Variants in SLAMF1 observed in about 807,000 individuals in gnomAD.
The protein encoded by SLAMF1 is signaling lymphocytic activation molecule.
In SLAMF1, 18 loss-of-function variants were observed where a neutral mutation model predicts 35.1. The observed-to-expected ratio is 0.51, with a 90% CI of 0.35 to 0.76. The LOEUF is 0.76. Ranked by LOEUF, SLAMF1 falls within the 30% of genes least tolerant of loss-of-function variation. The probability of loss-of-function intolerance (pLI) is 0.01; values close to 1 mark genes in which losing one functional copy is unlikely to be tolerated. For synonymous variants in SLAMF1, 168 were observed against 157.2 expected (o/e 1.07, Z -0.51); for missense variants, 392 against 413.0 (o/e 0.95, Z 0.44).
At chr1:160,635,723 C>A (rs1055055944) in intron 2 of SLAMF1, among the ~76,000 whole-genome samples, 1 of 148,940 alleles carries the variant, frequency 6.7e-6, no homozygotes, top group Non-Finnish European at 1.5e-5. Context: ...AGGTGCCCAC[C>A]ACCATGCTGA....
At chr1:160,626,223 C>CA (rs1421055826) in intron 3 of SLAMF1, among the ~76,000 whole-genome samples, 1 of 152,146 alleles carries the variant, frequency 6.6e-6, no homozygotes, top group Non-Finnish European at 1.5e-5. Context: ...AAATAAAAGA[C>CA]AAAACTGCAC....
intron 1 of SLAMF1, among the ~76,000 whole-genome samples, chr1:160,643,711 G>A (rs1660880028): frequency 6.6e-6 from 1 of 152,128 alleles, no homozygotes; most frequent in South Asian, 2.1e-4. Context: ...GATCAAATCG[G>A]GTTAATTGGG....
At chr1:160,625,847 G>GTGTGTGTGTGTGTGTTTGTGTA (rs1553240257) in intron 3 of SLAMF1, among the ~76,000 whole-genome samples, 3 of 148,244 alleles carry the variant, frequency 2.0e-5, no homozygotes, top group Non-Finnish European at 4.5e-5. Flanking sequence ...GTGTGTGTGT[G>GTGTGTGTGTGTGTGTTTGTGTA]TGTGTGTATG....
In SLAMF1 at chr1:160,634,888, G is replaced by A; in HGVS notation, c.425C>T (p.Ser142Phe). The change falls in exon 3 of 7, where the codon TCC becomes TTC. Residue 142 changes from serine to phenylalanine, a missense_variant. By Grantham distance (155) the Ser-to-Phe change is radical. Coordinates refer to ENST00000302035, the MANE Select transcript of SLAMF1 (RefSeq NM_003037.5). ...CLQLRLYEQV[S>F]TPEIKVLNKT... is the part of the protein sequence containing the mutation. The stretch of plus-strand genomic sequence containing the variant: ...GTTTAAAACTTTAATTTCTGGAGTG[G>A]AGACCTGCTCTGTCAGGAGTGGGAG... 1 of 1,611,024 alleles carries A rather than the reference G, an allele frequency of 6.2e-7. No homozygotes were observed. Among genetic ancestry groups the A allele is most frequent in the Non-Finnish European group, 8.5e-7 (1 of 1,177,672 alleles).
chr1:160,633,357 A>C (rs138086625), intron 3 of SLAMF1, among the ~76,000 whole-genome samples: 2 of 152,294 alleles, frequency 1.3e-5, no homozygotes, highest in African/African-American at 4.8e-5. Flanking sequence ...AGACTCATTC[A>C]AGAACTTCCA....
chr1:160,643,174 TC>T (rs1183344784), intron 1 of SLAMF1, among the ~76,000 whole-genome samples: 5 of 151,982 alleles, frequency 3.3e-5, no homozygotes, highest in African/African-American at 9.7e-5. Context: ...GAGGCAGCTA[TC>T]CCCCCTCCCC....
chr1:160,646,529 CTT>C (rs2102378470), intron 1 of SLAMF1, among the ~76,000 whole-genome samples: 1 of 152,322 alleles, frequency 6.6e-6, no homozygotes, highest in East Asian at 1.9e-4. Flanking sequence ...TAGGCTGGGT[CTT>C]TGCCAGAAGA....
chr1:160,627,926 ATGT>A (rs1659968280), intron 3 of SLAMF1, among the ~76,000 whole-genome samples: 2 of 152,300 alleles, frequency 1.3e-5, no homozygotes, highest in South Asian at 4.1e-4. Flanking sequence ...GGTTTCCCCC[ATGT>A]TGTTCTCATG....
rs112854102 is a variant in SLAMF1 at position 160,646,952 on chromosome 1, A to G, written c.-7T>C. 50 of 1,558,316 alleles carry G rather than the reference A, an allele frequency of 3.2e-5. 1 individual carries two copies. The African/African-American group carries it at 3.2e-4, about 10-fold the overall frequency. On this transcript the variant is annotated 5_prime_UTR_variant, in exon 1 of 7. Coordinates refer to ENST00000302035, the MANE Select transcript of SLAMF1 (RefSeq NM_003037.5). ...GGAGCCCCTTGGGATCCATCAGCCA[A>G]TGAGGAGAAGGAAGGGATCCTGGCC...
chr1:160,621,126 A>G (rs1440438486), intron 4 of SLAMF1, among the ~76,000 whole-genome samples: 1 of 152,200 alleles, frequency 6.6e-6, no homozygotes, highest in Non-Finnish European at 1.5e-5. Flanking sequence ...TGCAGCAGTA[A>G]GGATGGTGGG....
chr1:160,619,024 T>A (rs910819769), intron 5 of SLAMF1, among the ~76,000 whole-genome samples: 1 of 152,210 alleles, frequency 6.6e-6, no homozygotes, highest in Admixed American at 6.5e-5. Flanking sequence ...TTCATGCAAT[T>A]TTCTAAGGTA....
At chr1:160,637,593 G>A in intron 1 of SLAMF1, 64 bp from the exon 2 acceptor site, 1 of 1,191,490 alleles carries the variant, frequency 8.4e-7, no homozygotes, top group Non-Finnish European at 1.2e-6. Flanking sequence ...CGTGTCAGCA[G>A]ATCAGGAAGG....
At chr1:160,612,934 G>T (rs7550771) in intron 5 of SLAMF1, among the ~76,000 whole-genome samples, 34,619 of 152,076 alleles carry the variant, frequency 0.23, 4,676 homozygotes, top group Middle Eastern at 0.37. Context: ...AATTTAGTCC[G>T]TCTCACTCAT....
chr1:160,632,056 C>T lies in SLAMF1; in HGVS notation c.700+2557G>A, dbSNP rs559943236. Among the ~76,000 whole-genome samples the T allele has an allele frequency of 5.9e-5, 9 of 152,152 alleles. No homozygotes were observed. In the South Asian group the frequency reaches 1.9e-3, roughly 32 times the overall value. Reference sequence around the variant, plus strand: ...TGGGAGAGATCCTTCTCTGACAGCCCTCAGAGAAGAACAATCCTGCTGACA... The same window carrying T: ...TGGGAGAGATCCTTCTCTGACAGCCTTCAGAGAAGAACAATCCTGCTGACA... On this transcript the variant is annotated intron_variant, in intron 3 of 6. Coordinates refer to ENST00000302035, the MANE Select transcript of SLAMF1 (RefSeq NM_003037.5).
intron 3 of SLAMF1, among the ~76,000 whole-genome samples, chr1:160,632,765 A>T (rs1333833024): frequency 6.6e-6 from 1 of 152,124 alleles, no homozygotes; most frequent in African/African-American, 2.4e-5. Context: ...AAAATACATT[A>T]TATTTTTGTA....
Position 160,609,035 on chromosome 1 carries a change from A to C in SLAMF1, c.*1713T>G, listed in dbSNP as rs1369034355. The C allele has an allele frequency of 1.3e-5, 2 of 152,240 alleles. No homozygotes were observed. Among genetic ancestry groups the C allele is most frequent in the East Asian group, 3.8e-4 (2 of 5,198 alleles). 9.4% of individuals were successfully genotyped at this position (152,240 alleles called of 1,614,324 possible). ...TGAATTATAAGCTAGAGATGAAAGG[A>C]TGAAGAAGGGACCCTGGAGAATTCA... On this transcript the variant is annotated 3_prime_UTR_variant, in exon 7 of 7. Coordinates refer to ENST00000302035, the MANE Select transcript of SLAMF1 (RefSeq NM_003037.5).
At chr1:160,615,916 C>T (rs151607) in intron 5 of SLAMF1, 122,923 of 161,432 alleles carry the variant, frequency 0.76, 47,314 homozygotes, top group East Asian at 0.85. Context: ...GGATTTTCTC[C>T]TAAAGCCTCC....
rs769299336 is a variant in SLAMF1 at position 160,612,593 on chromosome 1, C to G, written c.865-13G>C. ...TCTTCTGAAGAGGCTACAAGAGAAGCAAAGAAAGCAGATTAGCTGAACAGA... is the reference window on the plus strand; with the variant it reads ...TCTTCTGAAGAGGCTACAAGAGAAGGAAAGAAAGCAGATTAGCTGAACAGA... On this transcript the variant is annotated splice_polypyrimidine_tract_variant and intron_variant, in intron 5 of 6. Coordinates refer to ENST00000302035, the MANE Select transcript of SLAMF1 (RefSeq NM_003037.5). 1 of 1,544,838 alleles carries G rather than the reference C, an allele frequency of 6.5e-7. No individual in the cohort carries two copies. The highest frequency in any genetic ancestry group is 8.9e-7 in the Non-Finnish European group (1 of 1,118,816).
chr1:160,637,502 A>C lies in SLAMF1; in HGVS notation c.104T>G (p.Ile35Ser). Residue 35 changes from isoleucine (I) to serine (S), a missense_variant, in exon 2 of 7, where the codon ATT (isoleucine) becomes AGT (serine). Ile to Ser is a moderately radical substitution (Grantham distance 142). Coordinates refer to ENST00000302035, the MANE Select transcript of SLAMF1 (RefSeq NM_003037.5). Reference sequence around the variant, plus strand: ...CACTTTGCTTCCCAACTGCCGGAGAATCTTTGGGCAGTTCATCATGCGCCC... The same window carrying C: ...CACTTTGCTTCCCAACTGCCGGAGACTCTTTGGGCAGTTCATCATGCGCCC... ...TGGRMMNCPK[I>S]LRQLGSKVLL... 1 of 1,611,886 alleles carries C rather than the reference A, an allele frequency of 6.2e-7. No homozygotes were observed. Among genetic ancestry groups the C allele is most frequent in the Non-Finnish European group, 8.5e-7 (1 of 1,179,876 alleles).
Sources: allele counts gnomAD v4.1 joint callset (sites outside exome capture counted in the v4.1 genomes callset), GRCh38; gene constraint gnomAD v4.1.1; transcripts MANE v1.5; gene names NCBI Gene and HGNC (gene_info 2026-07-23, HGNC 2026-07-21).